Variants in CDH6 observed in about 807,000 individuals in gnomAD.
The protein encoded by CDH6 is cadherin-6.
In CDH6, 31 loss-of-function variants were observed where a neutral mutation model predicts 78.0. The observed-to-expected ratio is 0.40, with a 90% CI of 0.30 to 0.54. CDH6 has a LOEUF of 0.54. Ranked by LOEUF, CDH6 falls within the 20% of genes least tolerant of loss-of-function variation. CDH6 has a pLI of 0.56. For synonymous variants in CDH6, 376 were observed against 368.8 expected, an observed-to-expected ratio of 1.02 and a Z score of -0.23; for missense variants, 724 against 975.9, an observed-to-expected ratio of 0.74 and a Z score of 3.44.
chr5:31,197,557 T>A (rs1170580769), intron 1 of CDH6, among the ~76,000 whole-genome samples: 8 of 152,194 alleles, frequency 5.3e-5, no homozygotes. Context: ...AATCAAACTT[T>A]CTCTGGTTTA....
At chr5:31,244,093 T>C (rs540650019) in intron 1 of CDH6, among the ~76,000 whole-genome samples, 3 of 152,314 alleles carry the variant, frequency 2.0e-5, no homozygotes, top group South Asian at 4.1e-4. Flanking sequence ...TTTGGTGTCA[T>C]GTTTATATAT....
chr5:31,286,768 G>C (rs944576758), intron 2 of CDH6, among the ~76,000 whole-genome samples: 8 of 152,132 alleles, frequency 5.3e-5, no homozygotes, highest in Non-Finnish European at 8.8e-5. Flanking sequence ...AAGCAAGCCT[G>C]GGTGTGTGTT....
At chr5:31,302,007 T>A (rs1561065074) in intron 5 of CDH6, 104 bp from the exon 6 acceptor site, 1 of 654,162 alleles carries the variant, frequency 1.5e-6, no homozygotes, top group Non-Finnish European at 2.5e-6. Flanking sequence ...CACATCTACC[T>A]GATGGTAATG....
chr5:31,300,702 G>T (rs543201190), intron 5 of CDH6, among the ~76,000 whole-genome samples: 1 of 152,142 alleles, frequency 6.6e-6, no homozygotes, highest in Non-Finnish European at 1.5e-5. Context: ...GGTACCACAG[G>T]AATTTGTAAC....
intron 1 of CDH6, chr5:31,251,554 G>A (rs1741910040): frequency 6.6e-6 from 1 of 152,184 alleles, no homozygotes. Flanking sequence ...TGATAACAAG[G>A]AGTTTTTAAT....
chr5:31,290,996 T>A (rs1743142891), intron 2 of CDH6, among the ~76,000 whole-genome samples: 1 of 152,200 alleles, frequency 6.6e-6, no homozygotes, highest in Admixed American at 6.5e-5. Context: ...GTCATCGAAA[T>A]GGTCTCACCT....
chr5:31,290,683 C>T (rs756643506), intron 2 of CDH6, among the ~76,000 whole-genome samples: 4 of 152,106 alleles, frequency 2.6e-5, no homozygotes, highest in Non-Finnish European at 2.9e-5. Flanking sequence ...AAGAAAAGAA[C>T]TGGCCCCAGG....
intron 11 of CDH6, among the ~76,000 whole-genome samples, chr5:31,319,997 T>G (rs1252352587): frequency 1.3e-5 from 2 of 152,322 alleles, no homozygotes; most frequent in East Asian, 3.9e-4. Context: ...AGTTTTACGA[T>G]GAAATTTGAA....
At chr5:31,214,258 T>C (rs1456685832) in intron 1 of CDH6, among the ~76,000 whole-genome samples, 1 of 152,156 alleles carries the variant, frequency 6.6e-6, no homozygotes, top group Non-Finnish European at 1.5e-5. Context: ...CTCTTGTTTT[T>C]AACGTTTTTC....
At chr5:31,285,471 T>C (rs1204255229) in intron 2 of CDH6, among the ~76,000 whole-genome samples, 1 of 152,224 alleles carries the variant, frequency 6.6e-6, no homozygotes, top group East Asian at 1.9e-4. Context: ...GTAAAGTGTC[T>C]AATTTCTGCT....
At chr5:31,198,291 G>T (rs532040480) in intron 1 of CDH6, among the ~76,000 whole-genome samples, 2 of 152,208 alleles carry the variant, frequency 1.3e-5, no homozygotes, top group East Asian at 1.9e-4. Flanking sequence ...TAACACCATT[G>T]GGTGCTGGTT....
Position 31,247,373 on chromosome 5 carries a change from A to T in CDH6, c.-128-19973A>T, listed in dbSNP as rs560720415. Among the ~76,000 whole-genome samples the T allele has an allele frequency of 2.0e-5, 3 of 152,236 alleles. No individual in the cohort carries two copies. The East Asian group carries it at 5.8e-4, about 29-fold the overall frequency. On this transcript the variant is annotated intron_variant, in intron 1 of 11. Transcript: ENST00000265071. ...GTAACATGTCCAAAGACTCATAAGT[A>T]AAGTAAAAATTTCAACCCATATCCA...
intron 1 of CDH6, among the ~76,000 whole-genome samples, chr5:31,254,500 A>C (rs1229604677): frequency 6.6e-6 from 1 of 152,230 alleles, no homozygotes; most frequent in Admixed American, 6.5e-5. Context: ...ATAAGTGCTT[A>C]GTTAAGATGG....
At chr5:31,299,339 T>C in intron 4 of CDH6, 125 bp from the exon 5 acceptor site, 2 of 677,782 alleles carry the variant, frequency 3.0e-6, no homozygotes, top group Non-Finnish European at 5.0e-6. Flanking sequence ...TATTTTTATG[T>C]CACCATGACA....
At chr5:31,199,665 G>GTA (rs1740287020) in intron 1 of CDH6, among the ~76,000 whole-genome samples, 2 of 85,506 alleles carry the variant, frequency 2.3e-5, no homozygotes, top group Admixed American at 1.4e-4. Flanking sequence ...ATGTGTGTGT[G>GTA]TGTATGTGTG....
chr5:31,223,642 T>G (rs1430597198), intron 1 of CDH6, among the ~76,000 whole-genome samples: 1 of 152,196 alleles, frequency 6.6e-6, no homozygotes, highest in African/African-American at 2.4e-5. Flanking sequence ...TAACATTACA[T>G]TTTGGTTCCG....
intron 1 of CDH6, among the ~76,000 whole-genome samples, chr5:31,253,823 G>C (rs535229392): frequency 6.6e-6 from 1 of 151,592 alleles, no homozygotes; most frequent in South Asian, 2.1e-4. Context: ...GACTGATACA[G>C]GGTTTTTTTT....
chr5:31,264,594 T>C (rs1742290545), intron 1 of CDH6, among the ~76,000 whole-genome samples: 2 of 152,130 alleles, frequency 1.3e-5, no homozygotes, highest in East Asian at 1.9e-4. Flanking sequence ...TATTCAACAG[T>C]TTAAAGGGGT....
chr5:31,267,582 G>A lies in CDH6; in HGVS notation c.109G>A (p.Ala37Thr). The change falls in exon 2 of 12, where the codon GCC (alanine) becomes ACC (threonine). Residue 37 changes from alanine (A) to threonine (T), a missense_variant. By Grantham distance (58) the Ala-to-Thr change is moderately conservative. Transcript: ENST00000265071. ...RTSGFPAKKR[A>T]LELSGNSKNE... is the part of the protein sequence containing the mutation. ...TAGTGGTTTCCCAGCAAAGAAAAGG[G>A]CCCTGGAGCTCTCTGGAAACAGCAA... 6.2e-7 allele frequency: 1 copy of A among 1,614,064 alleles called. No individual in the cohort carries two copies. Among genetic ancestry groups the A allele is most frequent in the East Asian group, 2.2e-5 (1 of 44,864 alleles).
Sources: allele counts gnomAD v4.1 joint callset (sites outside exome capture counted in the v4.1 genomes callset), GRCh38; gene constraint gnomAD v4.1.1; transcripts MANE v1.5; gene names NCBI Gene and HGNC (gene_info 2026-07-23, HGNC 2026-07-21).